The following KIAA1328 variants were observed in gnomAD, a reference collection of about 807,000 sequenced individuals.
KIAA1328 encodes protein hinderin.
In KIAA1328, 52 loss-of-function variants were observed where a neutral mutation model predicts 68.1. The observed-to-expected ratio is 0.76, with a 90% CI of 0.61 to 0.96. The LOEUF is 0.96. Ranked by LOEUF, KIAA1328 falls within the 40% of genes least tolerant of loss-of-function variation. The pLI is 0.00. For missense variants in KIAA1328, 641 were observed against 677.6 expected (o/e 0.95, Z 0.60); for synonymous variants, 232 against 239.4 (o/e 0.97, Z 0.28).
chr18:36,847,014 A>G (rs1287158961), intron 4 of KIAA1328, among the ~76,000 whole-genome samples: 1 of 151,590 alleles, frequency 6.6e-6, no homozygotes, highest in Non-Finnish European at 1.5e-5. Context: ...TAACTCATAT[A>G]AGTGAAATCA....
rs76680385 is a variant in KIAA1328, at chr18:36,841,926, T to G, written c.238-2282T>G. On this transcript the variant is annotated intron_variant, in intron 3 of 9. Transcript: ENST00000280020. ...CATATTATGTTTATGAGATTTCTTG[T>G]TTTTTTTTCCCTCTATGGCTCTTCC... Among the ~76,000 whole-genome samples the G allele has an allele frequency of 5.9e-5, 9 of 151,262 alleles. 1 individual carries two copies. The South Asian group carries it at 1.0e-3, about 18-fold the overall frequency.
intron 9 of KIAA1328, among the ~76,000 whole-genome samples, chr18:37,203,576 A>G (rs772078973): frequency 1.6e-4 from 24 of 152,230 alleles, no homozygotes; most frequent in Non-Finnish European, 3.1e-4. Flanking sequence ...TTTTCAGTGA[A>G]AAGCCTAGGA....
intron 6 of KIAA1328, among the ~76,000 whole-genome samples, chr18:37,035,154 T>C (rs1419757407): frequency 6.6e-6 from 1 of 152,222 alleles, no homozygotes. Context: ...GTGCACCTCA[T>C]TGTATCAGGT....
At chr18:37,185,928 T>A (rs1169521282) in intron 9 of KIAA1328, among the ~76,000 whole-genome samples, 1 of 151,978 alleles carries the variant, frequency 6.6e-6, no homozygotes, top group African/African-American at 2.4e-5. Flanking sequence ...CCATAAAAAT[T>A]ATCGTTAAAC....
intron 7 of KIAA1328, among the ~76,000 whole-genome samples, chr18:37,101,518 G>T (rs1282154631): frequency 6.6e-6 from 1 of 152,192 alleles, no homozygotes; most frequent in African/African-American, 2.4e-5. Flanking sequence ...GGGACTATGT[G>T]AAAAGACCAA....
intron 7 of KIAA1328, among the ~76,000 whole-genome samples, chr18:37,134,951 A>G (rs1343302333): frequency 6.6e-6 from 1 of 152,044 alleles, no homozygotes; most frequent in Non-Finnish European, 1.5e-5. Flanking sequence ...AACATGTGCT[A>G]TTTGGTTTTC....
At chr18:36,930,821 G>A (rs192389666) in intron 5 of KIAA1328, among the ~76,000 whole-genome samples, 4 of 151,776 alleles carry the variant, frequency 2.6e-5, no homozygotes, top group African/African-American at 4.8e-5. Context: ...ACTCATTTTT[G>A]CCCTAATTCT....
intron 7 of KIAA1328, among the ~76,000 whole-genome samples, chr18:37,070,251 T>A (rs1441009801): frequency 6.6e-6 from 1 of 152,204 alleles, no homozygotes; most frequent in Admixed American, 6.5e-5. Flanking sequence ...TGCTCTATCT[T>A]GATATATGTT....
At chr18:36,980,874 G>A (rs1399428758) in intron 6 of KIAA1328, among the ~76,000 whole-genome samples, 2 of 152,132 alleles carry the variant, frequency 1.3e-5, no homozygotes, top group African/African-American at 4.8e-5. Context: ...CTTAAGATGG[G>A]ACTTGCTTCT....
intron 7 of KIAA1328, among the ~76,000 whole-genome samples, chr18:37,100,355 G>A (rs1026758631): frequency 6.6e-6 from 1 of 152,164 alleles, no homozygotes; most frequent in African/African-American, 2.4e-5. Flanking sequence ...CTTAGCAAAC[G>A]GCACACCAGG....
At chr18:36,970,765 G>A (rs1350096052) in intron 6 of KIAA1328, among the ~76,000 whole-genome samples, 1 of 152,082 alleles carries the variant, frequency 6.6e-6, no homozygotes, top group Admixed American at 6.6e-5. Flanking sequence ...ACCTCTTCAA[G>A]GAGAACTACA....
At chr18:36,899,570 G>T (rs1475054679) in intron 5 of KIAA1328, among the ~76,000 whole-genome samples, 2 of 151,828 alleles carry the variant, frequency 1.3e-5, no homozygotes, top group African/African-American at 4.8e-5. Flanking sequence ...TTGGACTGAC[G>T]TGGCAATTAT....
chr18:37,226,904 A>G (rs1266048912), downstream of KIAA1328, among the ~76,000 whole-genome samples: 5 of 152,044 alleles, frequency 3.3e-5, no homozygotes, highest in Non-Finnish European at 7.4e-5. Context: ...AGTAGCTGGT[A>G]TTACAGGCAT....
At chr18:36,872,379 TA>T (rs926494007) in intron 4 of KIAA1328, among the ~76,000 whole-genome samples, 5 of 151,996 alleles carry the variant, frequency 3.3e-5, no homozygotes, top group African/African-American at 1.2e-4. Context: ...GTAAAAGTAG[TA>T]GATAAATACT....
chr18:37,088,981 T>G (rs982200912), intron 7 of KIAA1328, among the ~76,000 whole-genome samples: 1 of 152,200 alleles, frequency 6.6e-6, no homozygotes, highest in Non-Finnish European at 1.5e-5. Context: ...CCTTTCTTTA[T>G]GCTTACAAAT....
At chr18:37,193,466 A>G (rs1203939333) in intron 9 of KIAA1328, 1 of 626,670 alleles carries the variant, frequency 1.6e-6, no homozygotes, top group Non-Finnish European at 2.8e-6. Flanking sequence ...TGTTGCTACC[A>G]AAAAGGTTAA....
chr18:36,939,734 T>C (rs1475576000), intron 5 of KIAA1328, among the ~76,000 whole-genome samples: 1 of 152,156 alleles, frequency 6.6e-6, no homozygotes, highest in East Asian at 1.9e-4. Flanking sequence ...GCTTTTCATA[T>C]ATGACCTTTA....
At chr18:36,880,850 T>C (rs890495809) in intron 4 of KIAA1328, among the ~76,000 whole-genome samples, 4 of 152,210 alleles carry the variant, frequency 2.6e-5, no homozygotes, top group Admixed American at 2.6e-4. Flanking sequence ...ATTTGTCCTT[T>C]ATTCTGTTAA....
At chr18:37,159,867 A>G (rs1478246217) in intron 7 of KIAA1328, among the ~76,000 whole-genome samples, 1 of 152,212 alleles carries the variant, frequency 6.6e-6, no homozygotes, top group Admixed American at 6.5e-5. Flanking sequence ...CATCTTAGAT[A>G]TGCAAGTCCT....
Sources: gnomAD v4.1 joint callset for allele counts (sites outside exome capture counted in the v4.1 genomes callset) on GRCh38, gnomAD v4.1.1 for gene constraint, MANE v1.5 for transcripts, NCBI Gene and HGNC (gene_info 2026-07-23, HGNC 2026-07-21) for gene names.